CAST: variants seen among roughly 807,000 people sequenced by gnomAD.
The protein encoded by CAST is calpastatin.
A neutral mutation model predicts 119.6 loss-of-function variants in CAST; 76 were observed. That is an observed-to-expected ratio of 0.64 (90% CI 0.53 to 0.77). The LOEUF (loss-of-function observed/expected upper bound fraction) is 0.77. Ranked by LOEUF, CAST falls within the 30% of genes least tolerant of loss-of-function variation. The probability of loss-of-function intolerance (pLI) is 0.00; values close to 1 mark genes in which losing one functional copy is unlikely to be tolerated. For missense variants in CAST, 953 were observed against 946.5 expected, an observed-to-expected ratio of 1.01 and a Z score of -0.09; for synonymous variants, 319 against 331.6, an observed-to-expected ratio of 0.96 and a Z score of 0.41.
chr5:96,473,769 G>GC, the CAST span, among the ~76,000 whole-genome samples: 1 of 152,200 alleles, frequency 6.6e-6, no homozygotes, highest in Non-Finnish European at 1.5e-5. Flanking sequence ...AACTGACTGG[G>GC]CGCATGACTG....
At chr5:96,232,287 C>T in the CAST span, among the ~76,000 whole-genome samples, 1 of 151,944 alleles carries the variant, frequency 6.6e-6, no homozygotes, top group Non-Finnish European at 1.5e-5. Flanking sequence ...GACTCTGATG[C>T]AAATAGAGAA....
At chr5:96,355,531 TG>T in the CAST span, among the ~76,000 whole-genome samples, 1 of 152,180 alleles carries the variant, frequency 6.6e-6, no homozygotes, top group African/African-American at 2.4e-5. Flanking sequence ...TATAATCCTT[TG>T]GGTATATACC....
the CAST span, among the ~76,000 whole-genome samples, chr5:96,462,327 A>C: frequency 6.6e-6 from 1 of 152,206 alleles, no homozygotes; most frequent in Middle Eastern, 3.4e-3. Context: ...TAGTCATTAA[A>C]TATTGTGGAG....
the CAST span, among the ~76,000 whole-genome samples, chr5:96,087,918 A>G: frequency 6.6e-6 from 1 of 152,202 alleles, no homozygotes; most frequent in Non-Finnish European, 1.5e-5. Flanking sequence ...TGTAATTTTT[A>G]TAATAACATG....
the CAST span, among the ~76,000 whole-genome samples, chr5:96,276,578 G>C: frequency 6.6e-6 from 1 of 152,082 alleles, no homozygotes; most frequent in African/African-American, 2.4e-5. Flanking sequence ...AACAAGCTTG[G>C]CCTCCAAATG....
chr5:96,516,819 A>T, the CAST span, among the ~76,000 whole-genome samples: 1 of 152,234 alleles, frequency 6.6e-6, no homozygotes, highest in East Asian at 1.9e-4. Context: ...CTATTCTCAC[A>T]GTGAAATAGG....
chr5:96,326,552 T>C, the CAST span, among the ~76,000 whole-genome samples: 1 of 152,170 alleles, frequency 6.6e-6, no homozygotes, highest in South Asian at 2.1e-4. Flanking sequence ...CCCAAACTGT[T>C]GATCATTCTC....
the CAST span, among the ~76,000 whole-genome samples, chr5:96,067,987 G>A: frequency 6.6e-6 from 1 of 152,150 alleles, no homozygotes; most frequent in East Asian, 1.9e-4. Context: ...CAGCTGACAG[G>A]CCACTCTAGC....
the CAST span, among the ~76,000 whole-genome samples, chr5:96,154,059 C>T: frequency 6.6e-6 from 1 of 151,984 alleles, no homozygotes; most frequent in African/African-American, 2.4e-5. Flanking sequence ...GGGAGGATCA[C>T]AAGGTCAGGA....
chr5:96,129,536 G>C, the CAST span, among the ~76,000 whole-genome samples: 23 of 152,112 alleles, frequency 1.5e-4, no homozygotes, highest in Non-Finnish European at 3.1e-4. Flanking sequence ...ATCAGGAACT[G>C]TCATGAATCA....
chr5:96,304,451 T>G, the CAST span, among the ~76,000 whole-genome samples: 5 of 152,372 alleles, frequency 3.3e-5, no homozygotes, highest in South Asian at 2.1e-4. Context: ...CTCTTTAGTT[T>G]AATTAGATCC....
the CAST span, among the ~76,000 whole-genome samples, chr5:96,482,087 T>C: frequency 3.3e-5 from 5 of 152,136 alleles, no homozygotes; most frequent in African/African-American, 1.2e-4. Context: ...GCCACCCTTA[T>C]GATATAATCT....
chr5:96,462,252 A>G, the CAST span, among the ~76,000 whole-genome samples: 21,958 of 152,100 alleles, frequency 0.14, 1,647 homozygotes, highest in African/African-American at 0.17. Context: ...AGGTCTGGGA[A>G]CCACTTGTGT....
intron 17 of CAST, 82 bp from the exon 18 acceptor site, chr5:96,747,263 G>A: frequency 1.3e-6 from 1 of 753,564 alleles, no homozygotes; most frequent in Admixed American, 2.2e-5. Flanking sequence ...TTCATATCCT[G>A]GAATTCCCAG....
the CAST span, among the ~76,000 whole-genome samples, chr5:96,073,745 C>T: frequency 1.3e-5 from 2 of 152,154 alleles, no homozygotes; most frequent in Non-Finnish European, 2.9e-5. Context: ...GGAGCTCAGG[C>T]GGTAATGCTC....
chr5:96,111,638 G>T, the CAST span, among the ~76,000 whole-genome samples: 1 of 152,254 alleles, frequency 6.6e-6, no homozygotes, highest in East Asian at 1.9e-4. Flanking sequence ...TCAGGAAGTT[G>T]CTAGTGTTTT....
At chr5:96,337,673 A>T in the CAST span, among the ~76,000 whole-genome samples, 1 of 152,192 alleles carries the variant, frequency 6.6e-6, no homozygotes, top group Admixed American at 6.5e-5. Context: ...GTGGAGTTCA[A>T]TGTTAATGTC....
chr5:96,195,360 C>T, the CAST span, among the ~76,000 whole-genome samples: 4 of 152,110 alleles, frequency 2.6e-5, no homozygotes, highest in Non-Finnish European at 5.9e-5. Context: ...ATTCCTGGAC[C>T]TCAACTTAGA....
At chr5:96,217,204 AT>A in the CAST span, among the ~76,000 whole-genome samples, 169 of 97,018 alleles carry the variant, frequency 1.7e-3, 1 homozygote, top group African/African-American at 3.6e-3. Flanking sequence ...ATGCTAGCTA[AT>A]TTTTTTTTTT....
Sources: allele counts gnomAD v4.1 joint callset (sites outside exome capture counted in the v4.1 genomes callset), GRCh38; gene constraint gnomAD v4.1.1; transcripts MANE v1.5; gene names NCBI Gene and HGNC (gene_info 2026-07-23, HGNC 2026-07-21).